Variants in IRF2BP2 observed in about 807,000 individuals in gnomAD.
The protein encoded by IRF2BP2 is interferon regulatory factor 2-binding protein 2.
IRF2BP2 carries 13 observed loss-of-function variants against 32.7 expected under a neutral mutation model. That is an observed-to-expected ratio of 0.40 (90% CI 0.26 to 0.63). IRF2BP2 has a LOEUF of 0.63. Ranked by LOEUF, IRF2BP2 falls within the 30% of genes least tolerant of loss-of-function variation. IRF2BP2 has a pLI of 0.42. For missense variants in IRF2BP2, 980 were observed against 830.6 expected (o/e 1.18, Z -2.21); for synonymous variants, 555 against 384.6 (o/e 1.44, Z -5.18).
rs142257661 is a variant in IRF2BP2, at chr1:234,607,870, T to A, written c.1049-18A>T. 1.3e-6 allele frequency: 2 copies of A among 1,525,716 alleles called. No individual in the cohort carries two copies. Among genetic ancestry groups the A allele is most frequent in the Admixed American group, 4.3e-5 (2 of 46,722 alleles). The allele number at this position is 1,525,716 out of a possible 1,614,324, so 94.5% of individuals were successfully genotyped here. On this transcript the variant is annotated intron_variant, in intron 1 of 1. Coordinates refer to ENST00000366609, the MANE Select transcript of IRF2BP2 (RefSeq NM_182972.3). ...TCTTGCAACTGGAAACACAAAGAAA[T>A]AAAAGGAAAAAGGTAACATAAGTGG...
intron 1 of IRF2BP2, 47 bp downstream of exon 1, chr1:234,608,400 C>T (rs756676675): frequency 1.5e-6 from 2 of 1,364,684 alleles, no homozygotes; most frequent in East Asian, 2.8e-5. Flanking sequence ...CTCTGCTCTC[C>T]GTCCCCTTTT....
chr1:234,607,827 C>G lies in IRF2BP2; in HGVS notation c.1074G>C (p.Lys358Asn). Residue 358 changes from lysine to asparagine, a missense_variant, in exon 2 of 2, where the codon AAG (lysine) becomes AAC (asparagine). Lys to Asn is a moderately conservative substitution (Grantham distance 94). Coordinates refer to ENST00000366609, the MANE Select transcript of IRF2BP2 (RefSeq NM_182972.3). The stretch of plus-strand genomic sequence containing the variant: ...CTTCACCTTCTGGTTCTGGAGAGGG[C>G]TTCCTTTTCCTTGCTGTTCTTGCAA... ...KAVARTARKR[K>N]PSPEPEGEVG... 6.3e-7 allele frequency: 1 copy of G among 1,582,638 alleles called. No homozygotes were observed. Among genetic ancestry groups the G allele is most frequent in the Non-Finnish European group, 8.6e-7 (1 of 1,163,860 alleles).
rs1409909480 is a variant in IRF2BP2, at chr1:234,609,522, G to A, written c.-28C>T. 4 of 1,383,268 alleles carry A rather than the reference G, an allele frequency of 2.9e-6. No homozygotes were observed. Among genetic ancestry groups the A allele is most frequent in the Non-Finnish European group, 1.9e-6 (2 of 1,047,650 alleles). 85.7% of individuals were successfully genotyped at this position (1,383,268 alleles called of 1,614,324 possible). A position where few individuals can be genotyped will look rare whatever the true frequency, so the allele number is the denominator to read the frequency against. On this transcript the variant is annotated 5_prime_UTR_variant, in exon 1 of 2. Coordinates refer to ENST00000366609, the MANE Select transcript of IRF2BP2 (RefSeq NM_182972.3). ...CCGAGGAGCCCGCGACGCCGGAGGA[G>A]GAGGCGGAGGAGGAGGAGGGGGCGC...
rs1256404823 is a variant in IRF2BP2 at position 234,604,725 on chromosome 1, G to A, written c.*2412C>T. On this transcript the variant is annotated 3_prime_UTR_variant, in exon 2 of 2. Transcript: ENST00000366609. ...TGAAATCTGATACTGCCCATGTACAGTAAGTAGCTTTGTGACATTTTTATC... is the reference window on the plus strand; with the variant it reads ...TGAAATCTGATACTGCCCATGTACAATAAGTAGCTTTGTGACATTTTTATC... 6.6e-6 allele frequency: 1 copy of A among 152,210 alleles called. No individual in the cohort carries two copies. Among genetic ancestry groups the A allele is most frequent in the African/African-American group, 2.4e-5 (1 of 41,452 alleles). The allele number at this position is 152,210 out of a possible 1,614,324, so 9.4% of individuals were successfully genotyped here.
Position 234,607,689 on chromosome 1 carries a change from A to C in IRF2BP2, c.1212T>G (p.Thr404=). ...TSSFVSPPPP[T]ASPHSNRTTP... ...TGGTCCGGTTGGAATGAGGTGAGGC[A>C]GTGGGTGGTGGCGGAGACACAAAAG... Residue 404 remains threonine (T), a synonymous_variant, in exon 2 of 2, where the codon ACT becomes ACG. Transcript: ENST00000366609. 1 of 1,614,136 alleles carries C rather than the reference A, an allele frequency of 6.2e-7. No individual in the cohort carries two copies. The highest frequency in any genetic ancestry group is 8.5e-7 in the Non-Finnish European group (1 of 1,179,996).
rs751453537 is a variant in IRF2BP2, at chr1:234,607,594, C to T, written c.1307G>A (p.Gly436Glu). ...AALILVADNA[G>E]GSHASKDANQ... ...GGCATCTTTTGAGGCATGACTGCCC[C>T]CTGCATTGTCTGCTACTAAGATCAG... is the stretch of plus-strand genomic sequence containing the variant. Residue 436 changes from glycine to glutamate, a missense_variant, in exon 2 of 2, where the codon GGG (glycine) becomes GAG (glutamate). Physicochemically the swap from Gly to Glu is moderately conservative, Grantham distance 98 (BLOSUM62 -2). Transcript: ENST00000366609. 1.2e-5 allele frequency: 19 copies of T among 1,614,224 alleles called. No homozygotes were observed. Among genetic ancestry groups the T allele is most frequent in the Non-Finnish European group, 1.6e-5 (19 of 1,180,036 alleles).
At position 234,609,902 on chromosome 1, in the gene IRF2BP2, G is replaced by C. The variant is rs1672299955; in HGVS notation, c.-408C>G. Among the ~76,000 whole-genome samples, 1 of 141,032 alleles carries C rather than the reference G, an allele frequency of 7.1e-6. No homozygotes were observed. The allele number at this position is 141,032 out of a possible 152,430, so 92.5% of individuals were successfully genotyped here. On this transcript the variant is annotated 5_prime_UTR_variant, in exon 1 of 2. Coordinates refer to ENST00000366609, the MANE Select transcript of IRF2BP2 (RefSeq NM_182972.3). ...AGCAGGTCGCGGCGGCGGCCGGCAC[G>C]GAGTGCGGGGCGGGGGGCGGGGAGG... is the stretch of plus-strand genomic sequence containing the variant.
At chr1:234,608,104 T>C (rs1672217253) in intron 1 of IRF2BP2, 1 of 551,194 alleles carries the variant, frequency 1.8e-6, no homozygotes, top group Non-Finnish European at 3.2e-6. Flanking sequence ...TGCCTGTTTG[T>C]ACACATGCAC....
At position 234,608,798 on chromosome 1, in the gene IRF2BP2, C is replaced by T; in HGVS notation, c.697G>A (p.Gly233Ser). 7.0e-7 allele frequency: 1 copy of T among 1,426,920 alleles called. No homozygotes were observed. The highest frequency in any genetic ancestry group is 9.1e-7 in the Non-Finnish European group (1 of 1,098,706). 88.4% of individuals were successfully genotyped at this position (1,426,920 alleles called of 1,614,324 possible). A position where few individuals can be genotyped will look rare whatever the true frequency, so the allele number is the denominator to read the frequency against. ...ACGGATGCCGGCCGCTTGTGGGCGC[C>T]CAGATCGGTGGGCTGCGCGGAGCCC... is the stretch of plus-strand genomic sequence containing the variant. ...SLGSAQPTDL[G>S]AHKRPASVSS... Residue 233 changes from glycine (G) to serine (S), a missense_variant, in exon 1 of 2, where the codon GGC (glycine) becomes AGC (serine). Gly to Ser is a moderately conservative substitution (Grantham distance 56). Coordinates refer to ENST00000366609, the MANE Select transcript of IRF2BP2 (RefSeq NM_182972.3).
In IRF2BP2 at chr1:234,608,964, G is replaced by C. The variant is rs763965646; in HGVS notation, c.531C>G (p.Asn177Lys). 31 of 1,361,758 alleles carry C rather than the reference G, an allele frequency of 2.3e-5. No individual in the cohort carries two copies. Among genetic ancestry groups the C allele is most frequent in the Non-Finnish European group, 2.7e-5 (29 of 1,061,754 alleles). 84.4% of individuals were successfully genotyped at this position (1,361,758 alleles called of 1,614,324 possible). The change falls in exon 1 of 2, where the codon AAC becomes AAG. Residue 177 changes from asparagine to lysine, a missense_variant. Physicochemically the swap from Asn to Lys is moderately conservative, Grantham distance 94 (BLOSUM62 0). Coordinates refer to ENST00000366609, the MANE Select transcript of IRF2BP2 (RefSeq NM_182972.3). The stretch of plus-strand genomic sequence containing the variant: ...GCGGCACCGCGTGGCCGCGCCGCGG[G>C]TTCGGGCTCTGGCGATTCAGCTCGG... ...EPPELNRQSP[N>K]PRRGHAVPPT...
At chr1:234,607,875 G>C (rs771076542) in intron 1 of IRF2BP2, 23 bp from the exon 2 acceptor site, 1 of 1,514,896 alleles carries the variant, frequency 6.6e-7, no homozygotes, top group African/African-American at 1.4e-5. Context: ...AGAAATAAAA[G>C]GAAAAAGGTA....
rs1448765232 is a variant in IRF2BP2 at position 234,607,190 on chromosome 1, T to C, written c.1711A>G (p.Ile571Val). ...NVPWAFMQGEIATILAGDVKV... is the reference protein window; with the variant it reads ...NVPWAFMQGEVATILAGDVKV... ...ACATCTCCAGCAAGGATGGTTGCAA[T>C]TTCCCCTTGCATAAAGGCCCAGGGG... The change falls in exon 2 of 2, where the codon ATT becomes GTT. Residue 571 changes from isoleucine to valine, a missense_variant. Transcript: ENST00000366609. The C allele has an allele frequency of 6.2e-7, 1 of 1,613,576 alleles. No homozygotes were observed.
Position 234,609,595 on chromosome 1 carries a change from C to T in IRF2BP2, c.-101G>A. 2 of 564,572 alleles carry T rather than the reference C, an allele frequency of 3.5e-6. No homozygotes were observed. Among genetic ancestry groups the T allele is most frequent in the Non-Finnish European group, 5.2e-6 (2 of 386,354 alleles). 35.0% of individuals were successfully genotyped at this position (564,572 alleles called of 1,614,324 possible). A position where few individuals can be genotyped will look rare whatever the true frequency, so the allele number is the denominator to read the frequency against. On this transcript the variant is annotated 5_prime_UTR_variant, in exon 1 of 2. Coordinates refer to ENST00000366609, the MANE Select transcript of IRF2BP2 (RefSeq NM_182972.3). ...CACGCGCGCCCTCCTCCCCCCCCAA[C>T]CCCGCGTCTCCCCCACCAGCGGCGG...
At position 234,608,691 on chromosome 1, in the gene IRF2BP2, GC is replaced by G; in HGVS notation, c.803del (p.Gly268AlafsTer15). The G allele has an allele frequency of 3.3e-6, 5 of 1,505,720 alleles. No individual in the cohort carries two copies. Among genetic ancestry groups the G allele is most frequent in the Non-Finnish European group, 2.6e-6 (3 of 1,137,878 alleles). 93.3% of individuals were successfully genotyped at this position (1,505,720 alleles called of 1,614,324 possible). A position where few individuals can be genotyped will look rare whatever the true frequency, so the allele number is the denominator to read the frequency against. ...EKQPPPPAHR[G>X]PADSLSTAAG... ...CCGCGGTGGACAGGCTGTCGGCCGG[GC>G]CCCGGTGCGCAGGCGGCGGCGGTTG... On this transcript the variant is annotated frameshift_variant, in exon 1 of 2. Transcript: ENST00000366609. LOFTEE classifies it high-confidence loss of function.
rs751683297 is a variant in IRF2BP2 at position 234,609,539 on chromosome 1, A to AGGG, written c.-48_-46dup. On this transcript the variant is annotated 5_prime_UTR_variant, in exon 1 of 2. Coordinates refer to ENST00000366609, the MANE Select transcript of IRF2BP2 (RefSeq NM_182972.3). ...CCGGAGGAGGAGGCGGAGGAGGAGG[A>AGGG]GGGGGCGCCGCCGCCGCCCCCCACC... 18 of 1,218,956 alleles carry AGGG rather than the reference A, an allele frequency of 1.5e-5. No homozygotes were observed. The highest frequency in any genetic ancestry group is 1.9e-5 in the Non-Finnish European group (18 of 933,614). 75.5% of individuals were successfully genotyped at this position (1,218,956 alleles called of 1,614,324 possible).
At position 234,609,628 on chromosome 1, in the gene IRF2BP2, CGCAAAGGCGGCGGCGGCG is replaced by C; in HGVS notation, c.-152_-135del. 2.7e-6 allele frequency: 1 copy of C among 367,382 alleles called. No individual in the cohort carries two copies. Among genetic ancestry groups the C allele is most frequent in the Non-Finnish European group, 4.4e-6 (1 of 229,598 alleles). 22.8% of individuals were successfully genotyped at this position (367,382 alleles called of 1,614,324 possible). A position where few individuals can be genotyped will look rare whatever the true frequency, so the allele number is the denominator to read the frequency against. ...CTCCCCCACCAGCGGCGGCGGCGGC[CGCAAAGGCGGCGGCGGCG>C]GCGGCAAAGCCCGCGAAGGCTCGGC... On this transcript the variant is annotated 5_prime_UTR_variant, in exon 1 of 2. Transcript: ENST00000366609.
Position 234,609,030 on chromosome 1 carries a change from G to T in IRF2BP2, c.465C>A (p.Gly155=). 7.6e-7 allele frequency: 1 copy of T among 1,317,634 alleles called. No homozygotes were observed. The highest frequency in any genetic ancestry group is 9.7e-7 in the Non-Finnish European group (1 of 1,036,246). The allele number at this position is 1,317,634 out of a possible 1,614,324, so 81.6% of individuals were successfully genotyped here. A position where few individuals can be genotyped will look rare whatever the true frequency, so the allele number is the denominator to read the frequency against. Residue 155 remains glycine (G), a synonymous_variant, in exon 1 of 2, where the codon GGC becomes GGA. Transcript: ENST00000366609. ...PPTPQPPPVN[G]ILVPNGFSKL... ...TGGAGAAGCCGTTGGGCACCAGGAT[G>T]CCGTTCACGGGCGGCGGCTGCGGCG...
rs1420402912 is a variant in IRF2BP2, at chr1:234,610,116, G to C, written c.-622C>G. Among the ~76,000 whole-genome samples the C allele has an allele frequency of 6.7e-6, 1 of 148,210 alleles. No homozygotes were observed. Among genetic ancestry groups the C allele is most frequent in the East Asian group, 2.0e-4 (1 of 5,108 alleles). On this transcript the variant is annotated 5_prime_UTR_variant, in exon 1 of 2. Transcript: ENST00000366609. ...CAGCGCCAGCGTCAGCGGCCAGCCC[G>C]CCTCAGCTCCGCCGCCGCCACCGTC...
intron 1 of IRF2BP2, chr1:234,608,176 G>T (rs1189212222): frequency 3.1e-5 from 16 of 522,540 alleles, no homozygotes; most frequent in Non-Finnish European, 1.0e-5. Context: ...GTTAAAAGGT[G>T]ACTGGTGCCC....
Sources: allele counts gnomAD v4.1 joint callset (sites outside exome capture counted in the v4.1 genomes callset), GRCh38; gene constraint gnomAD v4.1.1; transcripts MANE v1.5; gene names NCBI Gene and HGNC (gene_info 2026-07-23, HGNC 2026-07-21).